Variants in ATAD3B observed in about 807,000 individuals in gnomAD.
ATAD3B encodes ATPase family AAA domain containing 3B, also known as ATPase family AAA domain-containing protein 3B.
Under a neutral mutation model 70.2 loss-of-function variants are expected in ATAD3B, and 59 were observed. The observed-to-expected ratio is 0.84, with a 90% confidence interval of 0.68 to 1.04. The LOEUF (loss-of-function observed/expected upper bound fraction) is 1.04, where lower values mean the gene tolerates loss of function less well. ATAD3B is among the 50% of genes least tolerant of loss of function. The probability of loss-of-function intolerance (pLI) is 0.00; values close to 1 mark genes in which losing one functional copy is unlikely to be tolerated. For missense variants in ATAD3B, 961 were observed against 913.4 expected (o/e 1.05, Z -0.67); for synonymous variants, 423 against 388.6 (o/e 1.09, Z -1.04).
intron 6 of ATAD3B, 43 bp downstream of exon 6, chr1:1,482,346 G>A (rs775104112): frequency 8.4e-6 from 13 of 1,551,330 alleles, no homozygotes; most frequent in South Asian, 6.2e-5. Flanking sequence ...ATGGAGCCCC[G>A]CAGGTGTGAG....
chr1:1,484,761 G>A (rs981018885), intron 7 of ATAD3B: 22 of 1,057,252 alleles, frequency 2.1e-5, no homozygotes, highest in East Asian at 1.7e-4. Context: ...CTCAGCGACC[G>A]AGGCTTTCTA....
intron 15 of ATAD3B, among the ~76,000 whole-genome samples, chr1:1,495,085 A>T (rs1177883300): frequency 1.3e-5 from 2 of 152,004 alleles, no homozygotes; most frequent in Admixed American, 6.6e-5. Context: ...TCTGCCCTGG[A>T]GGCCTGTGAG....
intron 13 of ATAD3B, 26 bp downstream of exon 13, chr1:1,489,300 C>T (rs370108051): frequency 1.2e-6 from 2 of 1,612,930 alleles, no homozygotes; most frequent in African/African-American, 1.3e-5. Flanking sequence ...GGGTCCTGAG[C>T]CCCCGGGCAG....
At chr1:1,506,537 C>T in the ATAD3B span, among the ~76,000 whole-genome samples, 18 of 151,538 alleles carry the variant, frequency 1.2e-4, no homozygotes, top group African/African-American at 3.9e-4. Context: ...CTGGGATTAC[C>T]GGCGTGGGCC....
chr1:1,494,913 G>C (rs932184338), intron 15 of ATAD3B, among the ~76,000 whole-genome samples: 2 of 152,054 alleles, frequency 1.3e-5, no homozygotes, highest in Non-Finnish European at 2.9e-5. Context: ...CGACCTGTCC[G>C]TGGCAGAAGG....
At chr1:1,485,698 T>C in intron 8 of ATAD3B, 84 bp from the exon 9 acceptor site, 1 of 1,580,348 alleles carries the variant, frequency 6.3e-7, no homozygotes, top group Non-Finnish European at 8.6e-7. Flanking sequence ...CGTTTCTGTG[T>C]GTTACCGAGC....
intron 15 of ATAD3B, among the ~76,000 whole-genome samples, chr1:1,494,154 G>C (rs1321338015): frequency 6.7e-6 from 1 of 149,746 alleles, no homozygotes; most frequent in Non-Finnish European, 1.5e-5. Flanking sequence ...ATGTGTCACT[G>C]TTGGACCCAC....
rs746012652 is a variant in ATAD3B at position 1,490,341 on chromosome 1, C to T, written c.1422C>T (p.Asp474=). 9 of 1,613,418 alleles carry T rather than the reference C, an allele frequency of 5.6e-6. No homozygotes were observed. In the South Asian group the frequency reaches 6.6e-5, roughly 12 times the overall value. ...NSRIDVMVHF[D]LPQQEERERL... The stretch of plus-strand genomic sequence containing the variant: ...GCATTGACGTGATGGTCCACTTCGA[C>T]CTGCCGCAGCAGGAGGAGCGGGAGC... The change falls in exon 14 of 16, where the codon GAC becomes GAT. Residue 474 remains aspartate (D), a synonymous_variant. Coordinates refer to ENST00000673477, the MANE Select transcript of ATAD3B (RefSeq NM_031921.6).
At chr1:1,483,192 G>C in intron 7 of ATAD3B, 1 of 366,684 alleles carries the variant, frequency 2.7e-6, no homozygotes, top group Non-Finnish European at 5.4e-6. Flanking sequence ...AATCTCGGGA[G>C]GCTGAGGCAG....
the ATAD3B span, among the ~76,000 whole-genome samples, chr1:1,506,869 G>A: frequency 6.7e-6 from 1 of 149,368 alleles, no homozygotes; most frequent in African/African-American, 2.5e-5. Context: ...CTCACTGCAA[G>A]CTCCGCCTCT....
At position 1,490,476 on chromosome 1, in the gene ATAD3B, T is replaced by C. The variant is rs1640480683; in HGVS notation, c.1505+52T>C. On this transcript the variant is annotated intron_variant, in intron 14 of 15. Transcript: ENST00000673477. ...CAATCCAGGCACCATATGGCATGGGTGTAGGCCAGCTGCCTGTCTTCCGGC... is the reference window on the plus strand; with the variant it reads ...CAATCCAGGCACCATATGGCATGGGCGTAGGCCAGCTGCCTGTCTTCCGGC... 3.7e-6 allele frequency: 6 copies of C among 1,611,048 alleles called. 1 individual carries two copies. The highest frequency in any genetic ancestry group is 5.1e-6 in the Non-Finnish European group (6 of 1,178,892).
At chr1:1,477,245 C>T (rs1426541537) in intron 1 of ATAD3B, 29 bp from the exon 2 acceptor site, 3 of 1,611,256 alleles carry the variant, frequency 1.9e-6, no homozygotes, top group South Asian at 1.1e-5. Context: ...GTATCCTACA[C>T]CTGCTCTCCG....
At chr1:1,499,586 C>CTTTT (rs71578322), downstream of ATAD3B, among the ~76,000 whole-genome samples, 84 of 65,760 alleles carry the variant, frequency 1.3e-3, no homozygotes, top group Middle Eastern at 9.6e-3. Context: ...CCAAACAGCT[C>CTTTT]TTTTTTTTTT....
Position 1,490,566 on chromosome 1 carries a change from C to G in ATAD3B, c.1509C>G (p.Arg503=), listed in dbSNP as rs1346888138. 1 of 1,611,004 alleles carries G rather than the reference C, an allele frequency of 6.2e-7. No homozygotes were observed. The highest frequency in any genetic ancestry group is 8.5e-7 in the Non-Finnish European group (1 of 1,178,992). ...CACTTGGGAACTCCTTCCCCAGGCG[C>G]CTGAAGCTGGCCCAGTTTGACTACG... ...VLKPATEGKR[R]LKLAQFDYGR... Residue 503 remains arginine, a synonymous_variant, in exon 15 of 16, where the codon CGC becomes CGG. Coordinates refer to ENST00000673477, the MANE Select transcript of ATAD3B (RefSeq NM_031921.6).
intron 1 of ATAD3B, among the ~76,000 whole-genome samples, chr1:1,475,539 C>T (rs1413887308): frequency 1.3e-5 from 2 of 152,000 alleles, no homozygotes; most frequent in African/African-American, 4.8e-5. Flanking sequence ...CCTCCTCTGT[C>T]CCTTGAGGCT....
the ATAD3B span, chr1:1,509,185 G>A: frequency 6.2e-7 from 1 of 1,611,574 alleles, no homozygotes; most frequent in Non-Finnish European, 8.5e-7. Flanking sequence ...GCCTCCCTCA[G>A]CTCCCTCTCT....
chr1:1,477,829 T>C (rs925674457), intron 2 of ATAD3B, among the ~76,000 whole-genome samples: 4 of 151,206 alleles, frequency 2.6e-5, no homozygotes, highest in Non-Finnish European at 4.4e-5. Flanking sequence ...CCTCAGCCTC[T>C]GGAGTAGCTG....
At chr1:1,482,935 G>C (rs534569435) in intron 7 of ATAD3B, 1 of 502,596 alleles carries the variant, frequency 2.0e-6, no homozygotes, top group African/African-American at 1.9e-5. Context: ...CAGGAGGTTT[G>C]GGCTGCAGTG....
rs368570835 is a variant in ATAD3B, at chr1:1,494,996, A to G, written c.1615-489A>G. Among the ~76,000 whole-genome samples, 293 of 152,172 alleles carry G rather than the reference A, an allele frequency of 1.9e-3. 3 individuals are homozygous for G. Among genetic ancestry groups the G allele is most frequent in the African/African-American group, 6.4e-3 (265 of 41,552 alleles). Reference sequence around the variant, plus strand: ...AGTAGCTCCAGCCTCCGTGTGCTCAATGCCAAGCCCTGTGCCCAGGAGGAC... The same window carrying G: ...AGTAGCTCCAGCCTCCGTGTGCTCAGTGCCAAGCCCTGTGCCCAGGAGGAC... On this transcript the variant is annotated intron_variant, in intron 15 of 15. Coordinates refer to ENST00000673477, the MANE Select transcript of ATAD3B (RefSeq NM_031921.6).
Sources: gnomAD v4.1 joint callset for allele counts (sites outside exome capture counted in the v4.1 genomes callset) on GRCh38, gnomAD v4.1.1 for gene constraint, MANE v1.5 for transcripts, NCBI Gene and HGNC (gene_info 2026-07-23, HGNC 2026-07-21) for gene names.